Variants in ALPK3 observed in about 807,000 individuals in gnomAD.
ALPK3 encodes the protein alpha kinase 3.
A neutral mutation model predicts 140.0 loss-of-function variants in ALPK3; 102 were observed. That is an observed-to-expected ratio of 0.73 (90% confidence interval 0.62 to 0.86). The LOEUF is 0.86. Ranked by LOEUF, ALPK3 falls within the 40% of genes least tolerant of loss-of-function variation. The pLI is 0.00. For missense variants in ALPK3, 2,254 were observed against 2,208.2 expected (o/e 1.02, Z -0.42); for synonymous variants, 938 against 898.5 (o/e 1.04, Z -0.79).
intron 5 of ALPK3, among the ~76,000 whole-genome samples, chr15:84,855,200 G>T (rs1226713119): frequency 6.6e-6 from 1 of 152,126 alleles, no homozygotes; most frequent in African/African-American, 2.4e-5. Flanking sequence ...TGCAGCTCTT[G>T]TTGCACGTGG....
intron 3 of ALPK3, 76 bp downstream of exon 3, chr15:84,827,681 ATGGTGGGG>A: frequency 6.3e-7 from 1 of 1,579,472 alleles, no homozygotes; most frequent in Non-Finnish European, 8.6e-7. Context: ...GAGGACAGGA[ATGGTGGGG>A]TGGCGGGCTG....
chr15:84,821,107 C>A (rs1192412636), intron 1 of ALPK3, among the ~76,000 whole-genome samples: 1 of 152,232 alleles, frequency 6.6e-6, no homozygotes, highest in Non-Finnish European at 1.5e-5. Context: ...TTCAGCTCCC[C>A]CTCAGAGGCA....
In ALPK3 at chr15:84,839,684, T is replaced by G. The variant is rs1963633996; in HGVS notation, c.423-18T>G. 1.3e-6 allele frequency: 2 copies of G among 1,577,902 alleles called. No individual in the cohort carries two copies. Among genetic ancestry groups the G allele is most frequent in the Non-Finnish European group, 1.7e-6 (2 of 1,161,050 alleles). On this transcript the variant is annotated intron_variant, in intron 4 of 13. Coordinates refer to ENST00000258888, the MANE Select transcript of ALPK3 (RefSeq NM_020778.5). ...CTCCCAGGAGGGGAGAGGTGGCACC[T>G]CCCGCTCCTACCTCTAGGTGTCGAG...
chr15:84,849,990 C>T (rs1269232214), intron 5 of ALPK3, among the ~76,000 whole-genome samples: 1 of 124,930 alleles, frequency 8.0e-6, no homozygotes, highest in Non-Finnish European at 1.7e-5. Flanking sequence ...AAACTTCTGG[C>T]AAGACTTAGA....
At chr15:84,844,371 C>T (rs1410875223) in intron 5 of ALPK3, among the ~76,000 whole-genome samples, 3 of 151,924 alleles carry the variant, frequency 2.0e-5, no homozygotes, top group African/African-American at 2.4e-5. Flanking sequence ...TGTGCTACTG[C>T]ACTCCAGCCT....
chr15:84,844,879 C>T (rs1277788710), intron 5 of ALPK3, among the ~76,000 whole-genome samples: 1 of 152,042 alleles, frequency 6.6e-6, no homozygotes, highest in East Asian at 1.9e-4. Flanking sequence ...GTGGAAAAGA[C>T]TTGAAAATGA....
intron 7 of ALPK3, 87 bp downstream of exon 7, chr15:84,859,477 G>A (rs983501989): frequency 5.3e-5 from 80 of 1,508,368 alleles, no homozygotes; most frequent in Middle Eastern, 1.8e-4. Flanking sequence ...TGAACCTATC[G>A]CCTCATTAAT....
Position 84,840,892 on chromosome 15 carries a change from G to A in ALPK3, c.1613G>A (p.Ser538Asn). 6.2e-7 allele frequency: 1 copy of A among 1,611,598 alleles called. No individual in the cohort carries two copies. Among genetic ancestry groups the A allele is most frequent in the Middle Eastern group, 1.7e-4 (1 of 6,038 alleles). Residue 538 changes from serine (S) to asparagine (N), a missense_variant, in exon 5 of 14, where the codon AGC (serine) becomes AAC (asparagine). Physicochemically the swap from Ser to Asn is conservative, Grantham distance 46. Around this residue, in one of 3 missense-constraint regions of ALPK3, gnomAD observed 2,088 missense variants for 2,022.9 expected, o/e 1.03. Coordinates refer to ENST00000258888, the MANE Select transcript of ALPK3 (RefSeq NM_020778.5). ...CGGCGGAGACATGGCACCCGGGACA[G>A]CACGTTGCAGGGGCAAGCAGGCCAC... Reference protein sequence around the residue: ...PARRRHGTRDSTLQGQAGHRT... With the variant: ...PARRRHGTRDNTLQGQAGHRT...
rs368092649 is a variant in ALPK3, at chr15:84,860,121, G to T, written c.4129+49G>T. 4.1e-5 allele frequency: 66 copies of T among 1,602,520 alleles called. No homozygotes were observed. In the African/African-American group the frequency reaches 8.7e-4, roughly 21 times the overall value. On this transcript the variant is annotated intron_variant, in intron 9 of 13. Transcript: ENST00000258888. ...CGGGGTGGTCCTACCCCTGCCATCT[G>T]CAGGGAGGACCCTCTTTAAGGGCTT...
chr15:84,868,350 C>T lies in ALPK3; in HGVS notation c.5012C>T (p.Ala1671Val), dbSNP rs36002219. The change falls in exon 14 of 14, where the codon GCT becomes GTT. Residue 1671 changes from alanine (A) to valine (V), a missense_variant. Physicochemically the swap from Ala to Val is moderately conservative, Grantham distance 64. This residue lies in a region of ALPK3 where 158 missense variants were observed against 159.8 expected (regional missense o/e 0.99). Coordinates refer to ENST00000258888, the MANE Select transcript of ALPK3 (RefSeq NM_020778.5). ...LPSPQGTRKS[A>V]PSSKATPQAS... ...AGTCCTCAGGGCACCCGGAAGAGTGCTCCAAGTTCCAAGGCCACCCCTCAG... is the reference window on the plus strand; with the variant it reads ...AGTCCTCAGGGCACCCGGAAGAGTGTTCCAAGTTCCAAGGCCACCCCTCAG... 2.9e-3 allele frequency: 4,691 copies of T among 1,614,096 alleles called. 11 individuals carry two copies. The highest frequency in any genetic ancestry group is 3.0e-3 in the Non-Finnish European group (3,579 of 1,180,016).
chr15:84,821,247 GACTA>G (rs531922516), intron 1 of ALPK3, among the ~76,000 whole-genome samples: 297 of 152,314 alleles, frequency 1.9e-3, no homozygotes, highest in African/African-American at 6.9e-3. Flanking sequence ...CTCCTGACCT[GACTA>G]ACAATGTAAG....
chr15:84,822,872 TTC>T (rs1963442715), intron 1 of ALPK3, among the ~76,000 whole-genome samples: 1 of 152,248 alleles, frequency 6.6e-6, no homozygotes, highest in Non-Finnish European at 1.5e-5. Context: ...ATGATGGGTG[TTC>T]TCCAAGCCAC....
Position 84,864,548 on chromosome 15 carries a change from GGCTGT to G in ALPK3, c.4611_4615del (p.Cys1537Ter). The G allele has an allele frequency of 6.2e-7, 1 of 1,614,206 alleles. No individual in the cohort carries two copies. The highest frequency in any genetic ancestry group is 8.5e-7 in the Non-Finnish European group (1 of 1,180,048). ...GGAGTCTTACTGTTCTCGGGAATGG[GGCTGT>G]GCTGAGGCTCCGACAGCATCTGGCA... On this transcript the variant is annotated frameshift_variant, in exon 12 of 14. Transcript: ENST00000258888. LOFTEE classifies it high-confidence loss of function.
At chr15:84,833,956 G>GTT (rs111934164) in intron 3 of ALPK3, among the ~76,000 whole-genome samples, 2 of 92,210 alleles carry the variant, frequency 2.2e-5, no homozygotes, top group Non-Finnish European at 4.3e-5. Context: ...TAGATTCTGT[G>GTT]TTGTGTGTGT....
At position 84,840,406 on chromosome 15, in the gene ALPK3, G is replaced by A. The variant is rs755210023; in HGVS notation, c.1127G>A (p.Arg376Gln). Reference protein sequence around the residue: ...VQTQPRGRAARGPGSSGTDST... With the variant: ...VQTQPRGRAAQGPGSSGTDST... ...ACCCAGCCCAGAGGCAGGGCTGCAC[G>A]GGGGCCTGGGTCCTCTGGCACAGAT... The change falls in exon 5 of 14, where the codon CGG becomes CAG. Residue 376 changes from arginine to glutamine, a missense_variant. By Grantham distance (43) the Arg-to-Gln change is conservative. Coordinates refer to ENST00000258888, the MANE Select transcript of ALPK3 (RefSeq NM_020778.5). The A allele has an allele frequency of 4.3e-6, 7 of 1,613,860 alleles. No homozygotes were observed. The highest frequency in any genetic ancestry group is 4.0e-5 in the African/African-American group (3 of 75,048).
rs1344026385 is a variant in ALPK3 at position 84,858,635 on chromosome 15, A to G, written c.3817+80A>G. ...CACTGCTGCTGCTGCTAACAGCACTACCCCATGACAGATAGCATATCCCTC... is the reference window on the plus strand; with the variant it reads ...CACTGCTGCTGCTGCTAACAGCACTGCCCCATGACAGATAGCATATCCCTC... On this transcript the variant is annotated intron_variant, in intron 6 of 13. Transcript: ENST00000258888. 5 of 1,466,364 alleles carry G rather than the reference A, an allele frequency of 3.4e-6. No individual in the cohort carries two copies. In the South Asian group the frequency reaches 4.3e-5, roughly 13 times the overall value. The allele number at this position is 1,466,364 out of a possible 1,614,324, so 90.8% of individuals were successfully genotyped here.
intron 5 of ALPK3, among the ~76,000 whole-genome samples, chr15:84,851,364 T>A (rs534730662): frequency 3.3e-5 from 5 of 152,264 alleles, no homozygotes; most frequent in African/African-American, 9.6e-5. Context: ...GAGAAACAGA[T>A]CTGGGATTCT....
At position 84,839,644 on chromosome 15, in the gene ALPK3, T is replaced by A. The variant is rs546654344; in HGVS notation, c.423-58T>A. 4.5e-5 allele frequency: 68 copies of A among 1,506,574 alleles called. No homozygotes were observed. In the East Asian group the frequency reaches 9.9e-4, roughly 22 times the overall value. 93.3% of individuals were successfully genotyped at this position (1,506,574 alleles called of 1,614,324 possible). On this transcript the variant is annotated intron_variant, in intron 4 of 13. Coordinates refer to ENST00000258888, the MANE Select transcript of ALPK3 (RefSeq NM_020778.5). ...GCTCTGAACGGCTCTGGCTGGGGGG[T>A]GTGGGGGCTCTCACCTCCCAGGAGG...
chr15:84,819,154 A>G (rs1963396126), intron 1 of ALPK3, among the ~76,000 whole-genome samples: 1 of 152,254 alleles, frequency 6.6e-6, no homozygotes, highest in African/African-American at 2.4e-5. Context: ...CTGGCTGAGC[A>G]GTTGTATGAT....
Sources: gnomAD v4.1 joint callset for allele counts (sites outside exome capture counted in the v4.1 genomes callset) on GRCh38, gnomAD v4.1.1 for gene constraint, gnomAD v4.1.1 regional missense constraint, MANE v1.5 for transcripts, NCBI Gene and HGNC (gene_info 2026-07-23, HGNC 2026-07-21) for gene names.